The following ANKRD6 variants were observed in gnomAD, a reference collection of about 807,000 sequenced individuals.
The protein encoded by ANKRD6 is ankyrin repeat domain 6, also known as ankyrin repeat domain-containing protein 6.
ANKRD6 carries 56 observed loss-of-function variants against 82.3 expected under a neutral mutation model. The ratio of observed to expected loss-of-function variants is 0.68; its 90% confidence interval spans 0.55 to 0.85. The LOEUF is 0.85. Among genes scored for constraint, ANKRD6 ranks in the 40% least tolerant of loss-of-function variants. The probability of loss-of-function intolerance (pLI) is 0.00; values close to 1 mark genes in which losing one functional copy is unlikely to be tolerated. For synonymous variants in ANKRD6, 347 were observed against 352.1 expected, an observed-to-expected ratio of 0.99 and a Z score of 0.16; for missense variants, 852 against 907.6, an observed-to-expected ratio of 0.94 and a Z score of 0.79.
chr6:89,614,825 C>T (rs1407554230), intron 7 of ANKRD6, among the ~76,000 whole-genome samples: 5 of 133,800 alleles, frequency 3.7e-5, no homozygotes, highest in Non-Finnish European at 4.7e-5. Flanking sequence ...AATGAGACCC[C>T]GTCTCTTTAA....
At chr6:89,446,142 C>G (rs1471918400) in intron 1 of ANKRD6, among the ~76,000 whole-genome samples, 1 of 151,916 alleles carries the variant, frequency 6.6e-6, no homozygotes, top group Non-Finnish European at 1.5e-5. Context: ...CACCTGAGGT[C>G]AGGAGTTTGA....
chr6:89,593,939 C>T (rs1284975988), intron 2 of ANKRD6, among the ~76,000 whole-genome samples: 5 of 152,276 alleles, frequency 3.3e-5, no homozygotes, highest in Admixed American at 2.0e-4. Flanking sequence ...GCATTTGAAG[C>T]GAATGGTCTT....
At chr6:89,630,317 G>T in intron 15 of ANKRD6, 116 bp from the exon 16 acceptor site, 1 of 1,223,326 alleles carries the variant, frequency 8.2e-7, no homozygotes, top group Non-Finnish European at 1.1e-6. Flanking sequence ...ATGGTGGGTG[G>T]TGATGGAGAA....
chr6:89,557,073 A>G (rs1040680640), intron 1 of ANKRD6, among the ~76,000 whole-genome samples: 1 of 152,186 alleles, frequency 6.6e-6, no homozygotes, highest in Non-Finnish European at 1.5e-5. Context: ...TAGCTAGATG[A>G]AAGATGGAGC....
In ANKRD6 at chr6:89,441,619, C is replaced by G. The variant is rs965392194; in HGVS notation, c.-144+8244C>G. Among the ~76,000 whole-genome samples the G allele has an allele frequency of 2.6e-5, 3 of 116,580 alleles. No individual in the cohort carries two copies. In the Admixed American group the frequency reaches 2.9e-4, roughly 11 times the overall value. 76.5% of individuals were successfully genotyped at this position (116,580 alleles called of 152,430 possible). On this transcript the variant is annotated intron_variant, in intron 1 of 15. Transcript: ENST00000339746. ...CCATAGCCTTGGTTTTCTTTTCTTT[C>G]CTTTTTTTTTTTTTTTTTTTTTTTT...
At chr6:89,627,395 CAT>C (rs1471273519) in intron 13 of ANKRD6, among the ~76,000 whole-genome samples, 186 bp from the exon 14 acceptor site, 1 of 152,202 alleles carries the variant, frequency 6.6e-6, no homozygotes, top group Non-Finnish European at 1.5e-5. Context: ...ACGTTGGCCT[CAT>C]AGAAACATGC....
intron 1 of ANKRD6, among the ~76,000 whole-genome samples, chr6:89,441,556 G>A (rs1430224088): frequency 1.3e-5 from 2 of 148,402 alleles, no homozygotes; most frequent in African/African-American, 5.0e-5. Flanking sequence ...CTCCTGTAAA[G>A]CATTTAAAGA....
At position 89,586,781 on chromosome 6, in the gene ANKRD6, A is replaced by G. The variant is rs1165507744; in HGVS notation, c.121-9135A>G. Among the ~76,000 whole-genome samples, 4 of 152,346 alleles carry G rather than the reference A, an allele frequency of 2.6e-5. No homozygotes were observed. In the East Asian group the frequency reaches 7.7e-4, roughly 29 times the overall value. On this transcript the variant is annotated intron_variant, in intron 2 of 15. Coordinates refer to ENST00000339746, the MANE Select transcript of ANKRD6 (RefSeq NM_001242809.2). ...TACCACTCAGGGACAAGTGTACTGT[A>G]GAAGCTGATGGAATTCTTAATACCC...
At chr6:89,598,875 C>T (rs1434209472) in intron 3 of ANKRD6, among the ~76,000 whole-genome samples, 1 of 152,090 alleles carries the variant, frequency 6.6e-6, no homozygotes, top group South Asian at 2.1e-4. Flanking sequence ...AGAGGCAGTC[C>T]CAACCCCACA....
intron 1 of ANKRD6, among the ~76,000 whole-genome samples, chr6:89,526,215 A>G (rs913363198): frequency 5.9e-5 from 9 of 152,134 alleles, no homozygotes; most frequent in African/African-American, 1.7e-4. Context: ...GTGTACACAC[A>G]CTCTGGTTGC....
At chr6:89,624,760 C>T (rs868170355) in intron 13 of ANKRD6, 69 bp downstream of exon 13, 23 of 1,525,100 alleles carry the variant, frequency 1.5e-5, no homozygotes, top group South Asian at 8.9e-5. Flanking sequence ...GAACCAACTT[C>T]GACTTTAGCA....
chr6:89,496,441 C>T (rs1426089917), intron 1 of ANKRD6, among the ~76,000 whole-genome samples: 5 of 152,152 alleles, frequency 3.3e-5, no homozygotes, highest in African/African-American at 9.7e-5. Context: ...GTAGTACCGT[C>T]GGGACCAGGC....
At chr6:89,522,593 C>T (rs1355146012) in intron 1 of ANKRD6, among the ~76,000 whole-genome samples, 3 of 152,180 alleles carry the variant, frequency 2.0e-5, no homozygotes, top group Admixed American at 2.0e-4. Context: ...TTTCGTTTGT[C>T]TAGTTCACTT....
chr6:89,441,910 G>A (rs1771444576), intron 1 of ANKRD6, among the ~76,000 whole-genome samples: 1 of 152,056 alleles, frequency 6.6e-6, no homozygotes, highest in Admixed American at 6.6e-5. Context: ...GGGATTACAG[G>A]CGTGAGCCAC....
chr6:89,568,513 G>A (rs185227169), intron 2 of ANKRD6, among the ~76,000 whole-genome samples: 135 of 151,946 alleles, frequency 8.9e-4, no homozygotes, highest in Non-Finnish European at 1.5e-3. Context: ...AATTTCTAGC[G>A]TATTTATACC....
chr6:89,521,946 A>G (rs549196289), intron 1 of ANKRD6, among the ~76,000 whole-genome samples: 18 of 152,322 alleles, frequency 1.2e-4, no homozygotes, highest in African/African-American at 4.1e-4. Context: ...GTAATTGTAT[A>G]TACATTATTT....
chr6:89,472,960 A>C (rs1486714500), intron 1 of ANKRD6, among the ~76,000 whole-genome samples: 2 of 152,174 alleles, frequency 1.3e-5, no homozygotes, highest in Admixed American at 1.3e-4. Flanking sequence ...GAGTTTCTTT[A>C]AATCGGAGAT....
At chr6:89,534,601 C>CTCATCCAT (rs1411047266) in intron 1 of ANKRD6, among the ~76,000 whole-genome samples, 1 of 152,158 alleles carries the variant, frequency 6.6e-6, no homozygotes, top group Non-Finnish European at 1.5e-5. Context: ...CTCCTATCTA[C>CTCATCCAT]TCATCCATTC....
At chr6:89,572,466 G>A (rs750814741) in intron 2 of ANKRD6, among the ~76,000 whole-genome samples, 9 of 152,114 alleles carry the variant, frequency 5.9e-5, no homozygotes, top group East Asian at 1.9e-4. Flanking sequence ...GTGGTATCTC[G>A]TTGTTTGTAG....
Sources: gnomAD v4.1 joint callset for allele counts (sites outside exome capture counted in the v4.1 genomes callset) on GRCh38, gnomAD v4.1.1 for gene constraint, MANE v1.5 for transcripts, NCBI Gene and HGNC (gene_info 2026-07-23, HGNC 2026-07-21) for gene names.